The following UFL1 variants were observed in gnomAD, a reference collection of about 807,000 sequenced individuals.
UFL1 encodes UFM1 specific ligase 1, also known as E3 UFM1-protein ligase 1.
UFL1 carries 78 observed loss-of-function variants against 99.3 expected under a neutral mutation model. The observed-to-expected ratio is 0.79, with a 90% CI of 0.65 to 0.95. The LOEUF (loss-of-function observed/expected upper bound fraction) is 0.95, where lower values mean the gene tolerates loss of function less well. Among genes scored for constraint, UFL1 ranks in the 40% least tolerant of loss-of-function variants. UFL1 has a pLI of 0.00. For missense variants in UFL1, 936 were observed against 937.0 expected (o/e 1.00, Z 0.01); for synonymous variants, 335 against 322.2 (o/e 1.04, Z -0.42).
intron 18 of UFL1, 45 bp from the exon 19 acceptor site, chr6:96,553,240 A>G: frequency 6.4e-7 from 1 of 1,559,230 alleles, no homozygotes. Context: ...TCTGTTCCAC[A>G]AAAAGATAAA....
At chr6:96,548,697 ATTCAC>A (rs1463015551) in intron 13 of UFL1, among the ~76,000 whole-genome samples, 1 of 151,708 alleles carries the variant, frequency 6.6e-6, no homozygotes, top group Non-Finnish European at 1.5e-5. Flanking sequence ...AGAGTAACAA[ATTCAC>A]TTCAAAAAGA....
intron 15 of UFL1, among the ~76,000 whole-genome samples, chr6:96,551,016 G>C (rs1770071564): frequency 6.6e-6 from 1 of 151,902 alleles, no homozygotes; most frequent in Non-Finnish European, 1.5e-5. Context: ...TCATACCATA[G>C]AGCATAACAA....
chr6:96,529,490 G>A (rs1044521044), intron 6 of UFL1, among the ~76,000 whole-genome samples: 4 of 152,134 alleles, frequency 2.6e-5, no homozygotes, highest in African/African-American at 9.7e-5. Flanking sequence ...CTCATTATCT[G>A]TAAGTCTAAT....
intron 6 of UFL1, among the ~76,000 whole-genome samples, chr6:96,532,654 A>AT (rs1204638311): frequency 6.6e-6 from 1 of 152,154 alleles, no homozygotes; most frequent in Non-Finnish European, 1.5e-5. Flanking sequence ...TCACTATGTG[A>AT]TTTATTTATA....
In UFL1 at chr6:96,548,162, A is replaced by G. The variant is rs1770027108; in HGVS notation, c.1403-2A>G. ...ATTTGCCATTGCTCATGTCCGATAT[A>G]GGAAAGAAGAAGCCAGAGATCAGTT... On this transcript the variant is annotated splice_acceptor_variant, in intron 12 of 18. Transcript: ENST00000369278. LOFTEE classifies it high-confidence loss of function. 1 of 1,573,436 alleles carries G rather than the reference A, an allele frequency of 6.4e-7. No homozygotes were observed. The highest frequency in any genetic ancestry group is 2.3e-5 in the East Asian group (1 of 43,596).
In UFL1 at chr6:96,523,239, T is replaced by TA. The variant is rs779267623; in HGVS notation, c.172dup (p.Thr58AsnfsTer6). On this transcript the variant is annotated frameshift_variant, in exon 2 of 19. Coordinates refer to ENST00000369278, the MANE Select transcript of UFL1 (RefSeq NM_015323.5). LOFTEE classifies it high-confidence loss of function. ...ATACACTCGATGGAAAGGAATATATTACTCCAGCCCAAATTAGTAAAGAAA... is the reference window on the plus strand; with the variant it reads ...ATACACTCGATGGAAAGGAATATATTAACTCCAGCCCAAATTAGTAAAGAAA... 34 of 1,612,806 alleles carry TA rather than the reference T, an allele frequency of 2.1e-5. No individual in the cohort carries two copies. The highest frequency in any genetic ancestry group is 2.8e-5 in the Non-Finnish European group (33 of 1,179,432).
Position 96,526,342 on chromosome 6 carries a change from A to T in UFL1, c.372A>T (p.Ala124=). 6.2e-7 allele frequency: 1 copy of T among 1,613,396 alleles called. No individual in the cohort carries two copies. The highest frequency in any genetic ancestry group is 8.5e-7 in the Non-Finnish European group (1 of 1,179,736). Residue 124 remains alanine (A), a synonymous_variant, in exon 5 of 19, where the codon GCA becomes GCT. Coordinates refer to ENST00000369278, the MANE Select transcript of UFL1 (RefSeq NM_015323.5). ...LIDENYLDRL[A]EEVNDKLQES... ...TTAGGAATTATTTGGATCGGTTGGC[A>T]GAAGAGGTCAATGATAAATTGCAAG... is the stretch of plus-strand genomic sequence containing the variant.
At position 96,551,430 on chromosome 6, in the gene UFL1, C is replaced by G; in HGVS notation, c.1819-3C>G. 6.8e-7 allele frequency: 1 copy of G among 1,465,346 alleles called. No individual in the cohort carries two copies. The highest frequency in any genetic ancestry group is 9.3e-7 in the Non-Finnish European group (1 of 1,077,378). The allele number at this position is 1,465,346 out of a possible 1,614,324, so 90.8% of individuals were successfully genotyped here. A position where few individuals can be genotyped will look rare whatever the true frequency, so the allele number is the denominator to read the frequency against. ...CTGAATGAATTTTCATTTACCCCTACAGATAAGAAAGAAAATTTTAAGTAA... is the reference window on the plus strand; with the variant it reads ...CTGAATGAATTTTCATTTACCCCTAGAGATAAGAAAGAAAATTTTAAGTAA... On this transcript the variant is annotated splice_region_variant and splice_polypyrimidine_tract_variant and intron_variant, in intron 15 of 18. Coordinates refer to ENST00000369278, the MANE Select transcript of UFL1 (RefSeq NM_015323.5).
chr6:96,525,277 A>AAATTTTTT lies in UFL1; in HGVS notation c.253-20_253-19insAATTTTTT. The AAATTTTTT allele has an allele frequency of 6.7e-7, 1 of 1,496,718 alleles. No homozygotes were observed. The highest frequency in any genetic ancestry group is 9.2e-7 in the Non-Finnish European group (1 of 1,082,440). The allele number at this position is 1,496,718 out of a possible 1,614,324, so 92.7% of individuals were successfully genotyped here. A position where few individuals can be genotyped will look rare whatever the true frequency, so the allele number is the denominator to read the frequency against. On this transcript the variant is annotated intron_variant, in intron 3 of 18. Transcript: ENST00000369278. The stretch of plus-strand genomic sequence containing the variant: ...AACAATACAAACTAATCATTAATAG[A>AAATTTTTT]TTTTGTATTTGTTTTCCAGGTAATT...
chr6:96,523,316 T>C, intron 2 of UFL1, 25 bp downstream of exon 2: 1 of 1,552,014 alleles, frequency 6.4e-7, no homozygotes, highest in Non-Finnish European at 8.7e-7. Flanking sequence ...AGTGTTTTTT[T>C]TTTTCTTGGA....
At chr6:96,546,556 C>G (rs1269050629) in intron 12 of UFL1, among the ~76,000 whole-genome samples, 1 of 151,304 alleles carries the variant, frequency 6.6e-6, no homozygotes, top group African/African-American at 2.4e-5. Flanking sequence ...CCTGAATAGC[C>G]AAAGTATCCT....
rs888971420 is a variant in UFL1 at position 96,555,269 on chromosome 6, C to A, written c.*1766C>A. ...GTTATTTAAAATAAAGTTACCTATT[C>A]TACTAAATTTTATAGTACTTTGAAG... On this transcript the variant is annotated 3_prime_UTR_variant, in exon 19 of 19. Transcript: ENST00000369278. 6.6e-6 allele frequency: 1 copy of A among 151,980 alleles called. No homozygotes were observed. The highest frequency in any genetic ancestry group is 1.5e-5 in the Non-Finnish European group (1 of 67,974). 9.4% of individuals were successfully genotyped at this position (151,980 alleles called of 1,614,324 possible). A position where few individuals can be genotyped will look rare whatever the true frequency, so the allele number is the denominator to read the frequency against.
In UFL1 at chr6:96,554,924, A is replaced by G. The variant is rs897547747; in HGVS notation, c.*1421A>G. On this transcript the variant is annotated 3_prime_UTR_variant, in exon 19 of 19. Coordinates refer to ENST00000369278, the MANE Select transcript of UFL1 (RefSeq NM_015323.5). Reference sequence around the variant, plus strand: ...TGTTTATTCAGCTTCTAAAATATTGAACACCCAGACTTTTAATTCAACCTT... The same window carrying G: ...TGTTTATTCAGCTTCTAAAATATTGGACACCCAGACTTTTAATTCAACCTT... 3 of 152,596 alleles carry G rather than the reference A, an allele frequency of 2.0e-5. No individual in the cohort carries two copies. The highest frequency in any genetic ancestry group is 4.4e-5 in the Non-Finnish European group (3 of 68,016). 9.5% of individuals were successfully genotyped at this position (152,596 alleles called of 1,614,324 possible).
At chr6:96,539,142 A>G (rs1411726086) in intron 10 of UFL1, among the ~76,000 whole-genome samples, 1 of 151,726 alleles carries the variant, frequency 6.6e-6, no homozygotes. Flanking sequence ...ACAAATATAC[A>G]GTGTATTTGT....
chr6:96,550,521 G>A (rs1268462668), intron 15 of UFL1, among the ~76,000 whole-genome samples: 1 of 151,986 alleles, frequency 6.6e-6, no homozygotes, highest in Non-Finnish European at 1.5e-5. Flanking sequence ...GTGGTCTTTG[G>A]TGATGTAGTT....
chr6:96,546,362 G>A (rs1314285121), intron 12 of UFL1, among the ~76,000 whole-genome samples: 2 of 150,002 alleles, frequency 1.3e-5, no homozygotes, highest in East Asian at 3.9e-4. Context: ...GAAAGAAATC[G>A]TAGATGACAC....
At chr6:96,547,972 AT>A (rs1445127137) in intron 12 of UFL1, among the ~76,000 whole-genome samples, 191 bp from the exon 13 acceptor site, 3 of 151,600 alleles carry the variant, frequency 2.0e-5, no homozygotes, top group African/African-American at 7.3e-5. Context: ...AAAATAAAAT[AT>A]TTTTTAAAAA....
chr6:96,524,144 C>T (rs1414518762), intron 2 of UFL1, among the ~76,000 whole-genome samples: 1 of 150,002 alleles, frequency 6.7e-6, no homozygotes, highest in Admixed American at 6.6e-5. Flanking sequence ...CCAGTTGGTG[C>T]TCATAATTGG....
chr6:96,543,309 G>A (rs1210325379), intron 12 of UFL1, among the ~76,000 whole-genome samples: 2 of 151,228 alleles, frequency 1.3e-5, no homozygotes, highest in African/African-American at 4.8e-5. Context: ...ATCATGATCT[G>A]TGACAATCAC....
Sources: allele counts gnomAD v4.1 joint callset (sites outside exome capture counted in the v4.1 genomes callset), GRCh38; gene constraint gnomAD v4.1.1; transcripts MANE v1.5; gene names NCBI Gene and HGNC (gene_info 2026-07-23, HGNC 2026-07-21).